Variants in PCNT observed in about 807,000 individuals in gnomAD.
PCNT encodes the protein kendrin.
PCNT carries 319 observed loss-of-function variants against 380.4 expected under a neutral mutation model. The observed-to-expected ratio is 0.84, with a 90% confidence interval of 0.77 to 0.92. PCNT has a LOEUF of 0.92. Ranked by LOEUF, PCNT falls within the 40% of genes least tolerant of loss-of-function variation. The pLI, the probability that PCNT is intolerant of heterozygous loss-of-function variation, is 0.00. For synonymous variants in PCNT, 1,845 were observed against 1,735.2 expected, an observed-to-expected ratio of 1.06 and a Z score of -1.57; for missense variants, 4,400 against 4,255.3, an observed-to-expected ratio of 1.03 and a Z score of -0.95.
chr21:46,328,098 G>A (rs2083446113), intron 2 of PCNT, among the ~76,000 whole-genome samples: 11 of 152,184 alleles, frequency 7.2e-5, no homozygotes, highest in Admixed American at 7.2e-4. Context: ...AAAACTGGTG[G>A]CCAAAGGCAG....
chr21:46,339,653 C>T (rs2083858702), intron 3 of PCNT, among the ~76,000 whole-genome samples: 1 of 152,184 alleles, frequency 6.6e-6, no homozygotes, highest in Admixed American at 6.6e-5. Context: ...ATTTTGGCCA[C>T]ACTGGCAGCT....
At chr21:46,349,896 G>A (rs977351001) in intron 8 of PCNT, 76 bp downstream of exon 8, 16 of 1,370,154 alleles carry the variant, frequency 1.2e-5, no homozygotes, top group East Asian at 9.2e-5. Context: ...GGGCTATTTC[G>A]TATTGTGTTA....
At chr21:46,343,020 G>A (rs1601783909) in intron 3 of PCNT, among the ~76,000 whole-genome samples, 1 of 152,170 alleles carries the variant, frequency 6.6e-6, no homozygotes, top group Admixed American at 6.6e-5. Flanking sequence ...TTGATTTCGT[G>A]TCCTGAAACT....
intron 32 of PCNT, among the ~76,000 whole-genome samples, chr21:46,422,567 GT>G (rs1184857440): frequency 6.6e-6 from 1 of 152,238 alleles, no homozygotes; most frequent in Non-Finnish European, 1.5e-5. Context: ...GCAGAATTTT[GT>G]GGAACTTTTC....
At chr21:46,342,610 G>C (rs556626080) in intron 3 of PCNT, among the ~76,000 whole-genome samples, 1 of 150,136 alleles carries the variant, frequency 6.7e-6, no homozygotes, top group East Asian at 2.0e-4. Context: ...GCATGATCTC[G>C]GCTCACTGCA....
At chr21:46,440,232 T>C (rs1310031300) in intron 42 of PCNT, 30 bp downstream of exon 42, 4 of 1,612,402 alleles carry the variant, frequency 2.5e-6, no homozygotes, top group African/African-American at 1.3e-5. Flanking sequence ...TATAGAACTT[T>C]GGTGCTTTTT....
At chr21:46,370,168 T>C (rs936793935) in intron 15 of PCNT, among the ~76,000 whole-genome samples, 72 of 132,432 alleles carry the variant, frequency 5.4e-4, no homozygotes, top group African/African-American at 2.1e-3. Context: ...TGCAGCTTCG[T>C]GGGGGCAGAT....
At chr21:46,327,945 T>A (rs2083442679) in intron 2 of PCNT, among the ~76,000 whole-genome samples, 1 of 152,176 alleles carries the variant, frequency 6.6e-6, no homozygotes, top group South Asian at 2.1e-4. Context: ...CCTTCCGGGC[T>A]CCTTGGGGGC....
chr21:46,328,894 C>T (rs2083472441), intron 2 of PCNT, among the ~76,000 whole-genome samples: 1 of 152,330 alleles, frequency 6.6e-6, no homozygotes, highest in East Asian at 1.9e-4. Flanking sequence ...CTGCATCAGC[C>T]TCCCGAGTAG....
At chr21:46,367,221 C>T (rs541642379) in intron 15 of PCNT, 82 bp downstream of exon 15, 68 of 1,207,352 alleles carry the variant, frequency 5.6e-5, no homozygotes, top group African/African-American at 4.6e-4. Flanking sequence ...CACATGTCTG[C>T]GTGCGTGCTG....
chr21:46,331,037 TGTGA>T (rs202217552), intron 2 of PCNT, among the ~76,000 whole-genome samples: 6,343 of 152,270 alleles, frequency 0.042, 193 homozygotes, highest in Non-Finnish European at 0.065. Context: ...TTTGTGTGTG[TGTGA>T]GAGTGTGTGT....
At chr21:46,371,548 A>G (rs1381609849) in intron 15 of PCNT, among the ~76,000 whole-genome samples, 1 of 152,138 alleles carries the variant, frequency 6.6e-6, no homozygotes, top group African/African-American at 2.4e-5. Flanking sequence ...ATGCGTAAGC[A>G]CTGGTACCAA....
chr21:46,325,224 C>A, intron 1 of PCNT: 5 of 982,988 alleles, frequency 5.1e-6, no homozygotes, highest in Non-Finnish European at 6.0e-6. Flanking sequence ...CGCGCCGCTC[C>A]CCCCCAGGAT....
In PCNT at chr21:46,436,469, G is replaced by GCCCCCCCCCCCCCCCCCCCCCCCCCCC. The variant is rs769557050; in HGVS notation, c.8996+321_8996+322insCCCCCCCCCCCCCCCCCCCCCCCCCCC. The stretch of plus-strand genomic sequence containing the variant: ...CAGGGTCGGGTTTGGAGCCTCCTGT[G>GCCCCCCCCCCCCCCCCCCCCCCCCCCC]GCCCCCCCCCCCCCCCCCCGCTGGC... On this transcript the variant is annotated intron_variant, in intron 39 of 46. Coordinates refer to ENST00000359568, the MANE Select transcript of PCNT (RefSeq NM_006031.6). Among the ~76,000 whole-genome samples, 5 of 39,988 alleles carry GCCCCCCCCCCCCCCCCCCCCCCCCCCC rather than the reference G, an allele frequency of 1.3e-4. 1 individual carries two copies. The highest frequency in any genetic ancestry group is 5.9e-4 in the Admixed American group (2 of 3,374). 26.2% of individuals were successfully genotyped at this position (39,988 alleles called of 152,430 possible). A position where few individuals can be genotyped will look rare whatever the true frequency, so the allele number is the denominator to read the frequency against.
chr21:46,384,786 C>T (rs918839397), intron 16 of PCNT, among the ~76,000 whole-genome samples: 12 of 150,830 alleles, frequency 8.0e-5, no homozygotes, highest in Admixed American at 1.3e-4. Flanking sequence ...AGTTCAGTGG[C>T]GGAAGTGCAT....
intron 32 of PCNT, 43 bp downstream of exon 32, chr21:46,422,167 C>T: frequency 6.2e-7 from 1 of 1,608,856 alleles, no homozygotes; most frequent in Admixed American, 1.7e-5. Flanking sequence ...ACATGTGCAG[C>T]CTCGGGGCAT....
intron 33 of PCNT, among the ~76,000 whole-genome samples, chr21:46,427,084 T>G (rs1157291102): frequency 6.6e-6 from 1 of 152,182 alleles, no homozygotes; most frequent in Non-Finnish European, 1.5e-5. Flanking sequence ...CCTTGCAGCC[T>G]TAGGTCCCCT....
intron 31 of PCNT, among the ~76,000 whole-genome samples, chr21:46,421,746 A>G (rs1444723494): frequency 6.6e-6 from 1 of 152,162 alleles, no homozygotes; most frequent in Admixed American, 6.5e-5. Flanking sequence ...GATGTTCTCA[A>G]CCTGTGAAGT....
At chr21:46,338,910 A>T (rs2083835722) in intron 3 of PCNT, among the ~76,000 whole-genome samples, 1 of 152,110 alleles carries the variant, frequency 6.6e-6, no homozygotes, top group Non-Finnish European at 1.5e-5. Context: ...CCTCCCGAGT[A>T]CCTGGGATTA....
Sources: gnomAD v4.1 joint callset for allele counts (sites outside exome capture counted in the v4.1 genomes callset) on GRCh38, gnomAD v4.1.1 for gene constraint, MANE v1.5 for transcripts, NCBI Gene and HGNC (gene_info 2026-07-23, HGNC 2026-07-21) for gene names.